DIAPH3: variants seen among roughly 807,000 people sequenced by gnomAD.
The protein encoded by DIAPH3 is protein diaphanous homolog 3.
DIAPH3 carries 117 observed loss-of-function variants against 144.3 expected under a neutral mutation model. The ratio of observed to expected loss-of-function variants is 0.81; its 90% CI spans 0.70 to 0.95. The LOEUF is 0.95. DIAPH3 is among the 40% of genes least tolerant of loss of function. The pLI is 0.00. For missense variants in DIAPH3, 1,421 were observed against 1,412.7 expected (o/e 1.01, Z -0.09); for synonymous variants, 519 against 488.9 (o/e 1.06, Z -0.81).
chr13:59,878,831 A>G (rs914538467), intron 21 of DIAPH3, among the ~76,000 whole-genome samples: 2 of 152,098 alleles, frequency 1.3e-5, no homozygotes, highest in African/African-American at 4.8e-5. Flanking sequence ...AAAGCAATGC[A>G]GAGAAATATT....
intron 20 of DIAPH3, among the ~76,000 whole-genome samples, chr13:59,880,844 T>G (rs1049839973): frequency 9.2e-5 from 14 of 151,926 alleles, no homozygotes; most frequent in African/African-American, 3.4e-4. Context: ...TAAATGGTTA[T>G]TCATATACAA....
chr13:60,001,166 T>C (rs770772942), intron 9 of DIAPH3, among the ~76,000 whole-genome samples: 1 of 152,180 alleles, frequency 6.6e-6, no homozygotes, highest in African/African-American at 2.4e-5. Context: ...TCTAGTATAA[T>C]AAAGATAATG....
intron 5 of DIAPH3, among the ~76,000 whole-genome samples, chr13:60,042,060 C>T (rs971872600): frequency 6.6e-6 from 1 of 152,002 alleles, no homozygotes; most frequent in African/African-American, 2.4e-5. Context: ...TATATTTACA[C>T]TGATTGTTCA....
intron 4 of DIAPH3, among the ~76,000 whole-genome samples, chr13:60,050,885 C>T (rs187244110): frequency 3.3e-5 from 5 of 152,138 alleles, no homozygotes; most frequent in Non-Finnish European, 5.9e-5. Context: ...GGTAGCCTGG[C>T]ATAAGATGCA....
At chr13:59,811,824 A>G (rs1566347606) in intron 24 of DIAPH3, among the ~76,000 whole-genome samples, 2 of 151,582 alleles carry the variant, frequency 1.3e-5, no homozygotes, top group Non-Finnish European at 2.9e-5. Flanking sequence ...CATGCTAATC[A>G]TAAGAAGATC....
chr13:60,075,633 C>T (rs973017190), intron 4 of DIAPH3, among the ~76,000 whole-genome samples: 1 of 152,124 alleles, frequency 6.6e-6, no homozygotes. Flanking sequence ...GTTAAAGTTT[C>T]TCCCCTTTCT....
intron 22 of DIAPH3, among the ~76,000 whole-genome samples, chr13:59,847,252 T>C (rs1188342731): frequency 1.3e-5 from 2 of 152,214 alleles, no homozygotes; most frequent in Non-Finnish European, 2.9e-5. Flanking sequence ...TAATTTACTA[T>C]ACTGTATGCA....
chr13:59,763,294 A>G (rs1170261402), intron 27 of DIAPH3, among the ~76,000 whole-genome samples: 1 of 127,718 alleles, frequency 7.8e-6, no homozygotes, highest in African/African-American at 3.2e-5. Context: ...ATTCACATAT[A>G]TGTATATACA....
At chr13:60,121,042 A>G (rs1260045443) in intron 2 of DIAPH3, among the ~76,000 whole-genome samples, 1 of 152,228 alleles carries the variant, frequency 6.6e-6, no homozygotes, top group African/African-American at 2.4e-5. Flanking sequence ...AAATTTTAAT[A>G]TATCAATAAA....
At chr13:60,111,206 T>C (rs780819095) in intron 3 of DIAPH3, among the ~76,000 whole-genome samples, 9 of 152,170 alleles carry the variant, frequency 5.9e-5, no homozygotes, top group Non-Finnish European at 1.3e-4. Context: ...TACCTTCATA[T>C]AGGCCTCATT....
At chr13:60,021,680 A>C (rs1464679361) in intron 5 of DIAPH3, among the ~76,000 whole-genome samples, 1 of 151,888 alleles carries the variant, frequency 6.6e-6, no homozygotes, top group Non-Finnish European at 1.5e-5. Flanking sequence ...AAAAAAAAAA[A>C]AAAAGAGCAT....
chr13:60,018,872 A>C (rs1286972806), intron 5 of DIAPH3, among the ~76,000 whole-genome samples: 1 of 152,178 alleles, frequency 6.6e-6, no homozygotes. Flanking sequence ...ATAAGAATTA[A>C]AAGAAAGCTA....
intron 27 of DIAPH3, among the ~76,000 whole-genome samples, chr13:59,737,446 C>CAG (rs2036212265): frequency 1.3e-5 from 2 of 152,240 alleles, no homozygotes; most frequent in African/African-American, 2.4e-5. Context: ...AGCTAAGCAT[C>CAG]AGACATAGAA....
chr13:59,741,842 C>T (rs1332749422), intron 27 of DIAPH3, among the ~76,000 whole-genome samples: 2 of 152,214 alleles, frequency 1.3e-5, no homozygotes, highest in East Asian at 3.9e-4. Context: ...AAAATATTTC[C>T]TACCTATTGC....
intron 21 of DIAPH3, among the ~76,000 whole-genome samples, chr13:59,865,808 C>G (rs1293307552): frequency 6.6e-6 from 1 of 151,890 alleles, no homozygotes; most frequent in Non-Finnish European, 1.5e-5. Flanking sequence ...AAAGAATATT[C>G]CATTTATTTA....
intron 4 of DIAPH3, among the ~76,000 whole-genome samples, chr13:60,076,886 T>C (rs2057399453): frequency 6.6e-6 from 1 of 152,146 alleles, no homozygotes; most frequent in Non-Finnish European, 1.5e-5. Flanking sequence ...ATTAAAATGA[T>C]ATCTGAATTC....
chr13:60,019,555 G>T (rs2053868297), intron 5 of DIAPH3, among the ~76,000 whole-genome samples: 1 of 151,622 alleles, frequency 6.6e-6, no homozygotes, highest in South Asian at 2.1e-4. Flanking sequence ...CCTAGTAGGG[G>T]TCTCAATATA....
At chr13:60,021,394 G>A (rs1467415567) in intron 5 of DIAPH3, among the ~76,000 whole-genome samples, 5 of 152,208 alleles carry the variant, frequency 3.3e-5, no homozygotes, top group African/African-American at 1.2e-4. Flanking sequence ...GGAGGCTGAG[G>A]TGGGTGGATC....
At chr13:59,684,343 G>A (rs1233192763) in intron 27 of DIAPH3, among the ~76,000 whole-genome samples, 1 of 152,102 alleles carries the variant, frequency 6.6e-6, no homozygotes, top group Non-Finnish European at 1.5e-5. Flanking sequence ...AATGTTCCCC[G>A]GCTCATCTGG....
Sources: allele counts gnomAD v4.1 joint callset (sites outside exome capture counted in the v4.1 genomes callset), GRCh38; gene constraint gnomAD v4.1.1; transcripts MANE v1.5; gene names NCBI Gene and HGNC (gene_info 2026-07-23, HGNC 2026-07-21).